The following ZFP28 variants were observed in gnomAD, a reference collection of about 807,000 sequenced individuals.
The protein encoded by ZFP28 is zinc finger protein 28 homolog.
In ZFP28, 31 loss-of-function variants were observed where a neutral mutation model predicts 39.5. The observed-to-expected ratio is 0.79, with a 90% CI of 0.59 to 1.06. The LOEUF (loss-of-function observed/expected upper bound fraction) is 1.06. ZFP28 is among the 50% of genes least tolerant of loss of function. ZFP28 has a pLI of 0.00. For missense variants in ZFP28, 925 were observed against 1,048.4 expected (o/e 0.88, Z 1.63); for synonymous variants, 400 against 378.6 (o/e 1.06, Z -0.66).
intron 2 of ZFP28, among the ~76,000 whole-genome samples, chr19:56,545,371 T>TA (rs1250565406): frequency 1.3e-5 from 2 of 152,236 alleles, no homozygotes; most frequent in African/African-American, 4.8e-5. Flanking sequence ...CAAATGTCCT[T>TA]AAAGTTTGGT....
rs768915863 is a variant in ZFP28 at position 56,547,587 on chromosome 19, T to G, written c.380T>G (p.Leu127Trp). The change falls in exon 3 of 8, where the codon TTG (leucine) becomes TGG (tryptophan). Residue 127 changes from leucine to tryptophan, a missense_variant. This residue lies in a region of ZFP28 where 556 missense variants were observed against 542.9 expected (regional missense o/e 1.02). Coordinates refer to ENST00000301318, the MANE Select transcript of ZFP28 (RefSeq NM_020828.2). This position sits in a 1 kb window ranked among gnomAD's most constrained non-coding sequence, Gnocchi z 4.6. The part of the protein sequence containing the change: ...WEWLNPIQRN[L>W]YRKVMLENYR... ...TGGCTGAACCCCATTCAGAGGAACT[T>G]GTACAGGAAGGTGATGTTGGAGAAC... The G allele has an allele frequency of 1.2e-6, 2 of 1,613,780 alleles. No individual in the cohort carries two copies. Among genetic ancestry groups the G allele is most frequent in the Non-Finnish European group, 1.7e-6 (2 of 1,179,844 alleles).
In ZFP28 at chr19:56,555,493, A is replaced by C. The variant is rs977197767; in HGVS notation, c.*101A>C. ...TCCCTTATTAGTTAGTTCTTCACAT[A>C]AGTGTAAATGTAACTTATTCACTCC... is the stretch of plus-strand genomic sequence containing the variant. On this transcript the variant is annotated 3_prime_UTR_variant, in exon 8 of 8. Transcript: ENST00000301318. 1 of 1,420,400 alleles carries C rather than the reference A, an allele frequency of 7.0e-7. No homozygotes were observed. Among genetic ancestry groups the C allele is most frequent in the Non-Finnish European group, 9.5e-7 (1 of 1,055,312 alleles). 88.0% of individuals were successfully genotyped at this position (1,420,400 alleles called of 1,614,324 possible). A position where few individuals can be genotyped will look rare whatever the true frequency, so the allele number is the denominator to read the frequency against.
In ZFP28 at chr19:56,555,063, A is replaced by G; in HGVS notation, c.2278A>G (p.Ser760Gly). 1.9e-6 allele frequency: 3 copies of G among 1,614,190 alleles called. No homozygotes were observed. The highest frequency in any genetic ancestry group is 2.5e-6 in the Non-Finnish European group (3 of 1,180,030). The change falls in exon 8 of 8, where the codon AGT becomes GGT. Residue 760 changes from serine to glycine, a missense_variant. Ser to Gly is a moderately conservative substitution (Grantham distance 56, BLOSUM62 0). Around this residue, in one of 2 missense-constraint regions of ZFP28, gnomAD observed 369 missense variants for 505.5 expected, o/e 0.73. Transcript: ENST00000301318. Reference sequence around the variant, plus strand: ...TACTGGAGAAAAACCTTATGAATGCAGTGTGTGTGGCAAAGCCTTTAGTCA... The same window carrying G: ...TACTGGAGAAAAACCTTATGAATGCGGTGTGTGTGGCAAAGCCTTTAGTCA... ...SHTGEKPYEC[S>G]VCGKAFSHRQ...
intron 2 of ZFP28, chr19:56,546,175 G>A (rs2044239737): frequency 6.6e-6 from 1 of 152,210 alleles, no homozygotes; most frequent in African/African-American, 2.4e-5. Flanking sequence ...ACCAAGTGAG[G>A]TTTCAGAGCT....
At chr19:56,544,167 G>A (rs1379583068) in intron 2 of ZFP28, among the ~76,000 whole-genome samples, 1 of 152,222 alleles carries the variant, frequency 6.6e-6, no homozygotes, top group Admixed American at 6.5e-5. Context: ...GACGGTTTTA[G>A]AAATTTACAG....
intron 2 of ZFP28, among the ~76,000 whole-genome samples, chr19:56,543,462 A>G (rs1276686462): frequency 6.6e-6 from 1 of 151,488 alleles, no homozygotes; most frequent in African/African-American, 2.4e-5. Flanking sequence ...GGCTATTTTC[A>G]GGCACAGTTA....
At chr19:56,551,271 A>C in intron 7 of ZFP28, 14 of 986,802 alleles carry the variant, frequency 1.4e-5, no homozygotes, top group Non-Finnish European at 1.7e-5. Flanking sequence ...AAAGAAAGGA[A>C]ATTTCCATAG....
At chr19:56,553,609 C>G in intron 7 of ZFP28, 75 bp from the exon 8 acceptor site, 1 of 1,499,346 alleles carries the variant, frequency 6.7e-7, no homozygotes, top group South Asian at 1.4e-5. Flanking sequence ...AATTAATTCA[C>G]TAGTTTTCCT....
intron 6 of ZFP28, 112 bp downstream of exon 6, chr19:56,550,293 A>G: frequency 9.0e-7 from 1 of 1,109,278 alleles, no homozygotes; most frequent in South Asian, 1.6e-5. Context: ...GCTGGCCTGA[A>G]TTTTGTGGAT....
In ZFP28 at chr19:56,555,466, TGTCCCTTATTAGTTA is replaced by T. The variant is rs2044343137; in HGVS notation, c.*77_*91del. ...TCTCCCTGCCCTTTTGTTTTCTTTT[TGTCCCTTATTAGTTA>T]GTTCTTCACATAAGTGTAAATGTAA... is the stretch of plus-strand genomic sequence containing the variant. On this transcript the variant is annotated 3_prime_UTR_variant, in exon 8 of 8. Coordinates refer to ENST00000301318, the MANE Select transcript of ZFP28 (RefSeq NM_020828.2). 1.3e-5 allele frequency: 19 copies of T among 1,471,234 alleles called. No homozygotes were observed. Among genetic ancestry groups the T allele is most frequent in the South Asian group, 2.7e-5 (2 of 73,890 alleles). 91.1% of individuals were successfully genotyped at this position (1,471,234 alleles called of 1,614,324 possible).
intron 2 of ZFP28, 25 bp downstream of exon 2, chr19:56,539,741 C>T: frequency 6.3e-7 from 1 of 1,597,008 alleles, no homozygotes; most frequent in Non-Finnish European, 8.6e-7. Context: ...CATCTCTTGT[C>T]TCTGAAATGC....
rs1209287840 is a variant in ZFP28 at position 56,539,063 on chromosome 19, C to G, written c.45C>G (p.Leu15=). 5 of 1,513,550 alleles carry G rather than the reference C, an allele frequency of 3.3e-6. No homozygotes were observed. The highest frequency in any genetic ancestry group is 1.4e-5 in the African/African-American group (1 of 70,938). 93.8% of individuals were successfully genotyped at this position (1,513,550 alleles called of 1,614,324 possible). The part of the protein sequence containing the change: ...ASASVREPTP[L]PGRGAPRTKP... ...CGAGTGTCCGCGAGCCGACGCCGCT[C>G]CCGGGTAGAGGCGCCCCCCGCACAA... is the stretch of plus-strand genomic sequence containing the variant. The change falls in exon 1 of 8, where the codon CTC becomes CTG. Residue 15 remains leucine, a synonymous_variant. Transcript: ENST00000301318.
chr19:56,550,763 T>C, intron 7 of ZFP28, 158 bp downstream of exon 7: 1 of 1,536,830 alleles, frequency 6.5e-7, no homozygotes, highest in Non-Finnish European at 8.7e-7. Flanking sequence ...AATAATTCTT[T>C]CCTCCTCCTT....
At position 56,539,292 on chromosome 19, in the gene ZFP28, AG is replaced by A. The variant is rs2044172152; in HGVS notation, c.208+71del. ...AATTCATCTCGGGATGAGATCTGGG[AG>A]GGGGTTGGGCTCTCGGGGACCAGTT... On this transcript the variant is annotated intron_variant, in intron 1 of 7. Transcript: ENST00000301318. The A allele has an allele frequency of 1.7e-5, 25 of 1,483,808 alleles. No individual in the cohort carries two copies. In the Middle Eastern group the frequency reaches 7.0e-4, roughly 42 times the overall value. The allele number at this position is 1,483,808 out of a possible 1,614,324, so 91.9% of individuals were successfully genotyped here.
In ZFP28 at chr19:56,539,248, G is replaced by A. The variant is rs529254195; in HGVS notation, c.208+22G>A. The A allele has an allele frequency of 2.9e-5, 46 of 1,577,564 alleles. No individual in the cohort carries two copies. In the South Asian group the frequency reaches 5.0e-4, roughly 17 times the overall value. ...AGAGGTGAGAGTGACAGGTGTTTGGGGCCGAGCGGACAGGGACGAATTCAT... is the reference window on the plus strand; with the variant it reads ...AGAGGTGAGAGTGACAGGTGTTTGGAGCCGAGCGGACAGGGACGAATTCAT... On this transcript the variant is annotated intron_variant, in intron 1 of 7. Transcript: ENST00000301318.
chr19:56,545,154 C>G (rs1262884330), intron 2 of ZFP28, among the ~76,000 whole-genome samples: 1 of 152,192 alleles, frequency 6.6e-6, no homozygotes, highest in Non-Finnish European at 1.5e-5. Flanking sequence ...TTAAGCAGTT[C>G]TTGGCTGTTT....
chr19:56,538,799 G>T, upstream of ZFP28: 1 of 116,496 alleles, frequency 8.6e-6, no homozygotes, highest in Non-Finnish European at 1.8e-5. Context: ...GGGCGGGGCG[G>T]GGCGGGGCGG....
chr19:56,551,766 G>T, intron 7 of ZFP28: 1 of 984,002 alleles, frequency 1.0e-6, no homozygotes, highest in African/African-American at 1.7e-5. Context: ...ACATTTTTTC[G>T]TAAATTTGGT....
rs151143575 is a variant in ZFP28, at chr19:56,556,587, A to G, written c.*1195A>G. 14 of 152,328 alleles carry G rather than the reference A, an allele frequency of 9.2e-5. No individual in the cohort carries two copies. The highest frequency in any genetic ancestry group is 3.4e-4 in the African/African-American group (14 of 41,568). 9.4% of individuals were successfully genotyped at this position (152,328 alleles called of 1,614,324 possible). ...CTATATGGCTCGCAAAACTGCAAAT[A>G]TTTCCTATCCTTTAACAGAAAGTTT... On this transcript the variant is annotated 3_prime_UTR_variant, in exon 8 of 8. Transcript: ENST00000301318.
Sources: gnomAD v4.1 joint callset for allele counts (sites outside exome capture counted in the v4.1 genomes callset) on GRCh38, gnomAD v4.1.1 for gene constraint, gnomAD v4.1.1 regional missense constraint, Gnocchi (gnomAD v3.1) non-coding constraint, MANE v1.5 for transcripts, NCBI Gene and HGNC (gene_info 2026-07-23, HGNC 2026-07-21) for gene names.